FAM107A: variants seen among roughly 807,000 people sequenced by gnomAD.
FAM107A encodes the protein actin-associated protein FAM107A.
In FAM107A, 19 loss-of-function variants were observed where a neutral mutation model predicts 13.7. The ratio of observed to expected loss-of-function variants is 1.38; its 90% CI spans 0.97 to 2.03. FAM107A has a LOEUF of 2.03. Ranked by LOEUF, FAM107A falls within the 30% of genes most tolerant of loss-of-function variation. The probability of loss-of-function intolerance (pLI) is 0.00; values close to 1 mark genes in which losing one functional copy is unlikely to be tolerated. For missense variants in FAM107A, 203 were observed against 184.4 expected, an observed-to-expected ratio of 1.10 and a Z score of -0.58; for synonymous variants, 82 against 74.5, an observed-to-expected ratio of 1.10 and a Z score of -0.52.
In FAM107A at chr3:58,568,842, C is replaced by T. The variant is rs994107226; in HGVS notation, c.170+849G>A. Among the ~76,000 whole-genome samples, 9 of 152,288 alleles carry T rather than the reference C, an allele frequency of 5.9e-5. No individual in the cohort carries two copies. The South Asian group carries it at 1.5e-3, about 25-fold the overall frequency. ...CCCAGTCCTCCAAGGGGAGGCTCAGCCTTCCTCTTCTCCAATTCACATCCC... is the reference window on the plus strand; with the variant it reads ...CCCAGTCCTCCAAGGGGAGGCTCAGTCTTCCTCTTCTCCAATTCACATCCC... On this transcript the variant is annotated intron_variant, in intron 2 of 3. Transcript: ENST00000360997.
intron 1 of FAM107A, chr3:58,627,004 T>C: frequency 6.5e-7 from 1 of 1,536,002 alleles, no homozygotes; most frequent in Non-Finnish European, 8.7e-7. Context: ...TGGCACGAAG[T>C]GGGCACCAGG....
intron 1 of FAM107A, among the ~76,000 whole-genome samples, chr3:58,572,456 A>G (rs537544614): frequency 1.3e-5 from 2 of 152,258 alleles, no homozygotes; most frequent in East Asian, 3.9e-4. Context: ...GAAGGAGGCC[A>G]TTTGGGGCCT....
intron 1 of FAM107A, among the ~76,000 whole-genome samples, chr3:58,576,616 T>C (rs1190547775): frequency 6.6e-6 from 1 of 152,204 alleles, no homozygotes; most frequent in Non-Finnish European, 1.5e-5. Context: ...TTTCAAAAAG[T>C]GACACACCCA....
chr3:58,582,428 C>T (rs1386188096), upstream of FAM107A, among the ~76,000 whole-genome samples: 4 of 151,348 alleles, frequency 2.6e-5, no homozygotes, highest in African/African-American at 4.9e-5. Context: ...GAGATGCTTT[C>T]CTCCCTTCCA....
chr3:58,577,663 CG>C (rs2063742253), upstream of FAM107A: 5 of 985,332 alleles, frequency 5.1e-6, no homozygotes, highest in Non-Finnish European at 4.8e-6. The surrounding 1 kb of genome is among the most constrained non-coding windows in gnomAD (Gnocchi z 4.9). Context: ...CTGAGCAAGG[CG>C]GCTCACGTAA....
chr3:58,616,989 G>T (rs2065907885), intron 1 of FAM107A, among the ~76,000 whole-genome samples: 1 of 152,174 alleles, frequency 6.6e-6, no homozygotes, highest in Admixed American at 6.5e-5. Flanking sequence ...AGCCAGGATG[G>T]TCTCAATCTC....
rs1159951785 is a variant in FAM107A at position 58,613,474 on chromosome 3, C to T, written c.-70+13942G>A. Among the ~76,000 whole-genome samples, 1 of 152,150 alleles carries T rather than the reference C, an allele frequency of 6.6e-6. No individual in the cohort carries two copies. The highest frequency in any genetic ancestry group is 1.5e-5 in the Non-Finnish European group (1 of 68,028). The stretch of plus-strand genomic sequence containing the variant: ...GTGTCCTCTCTCTTACAGTACTCAC[C>T]CCTCATCCTGCCCTGCCCAGCCCCT... On this transcript the variant is annotated intron_variant, in intron 1 of 3. Coordinates refer to the FAM107A transcript ENST00000465970. The surrounding 1 kb of genome is among the most constrained non-coding windows in gnomAD (Gnocchi z 4.6).
upstream of FAM107A, chr3:58,589,283 GA>G: frequency 6.6e-7 from 1 of 1,517,476 alleles, no homozygotes; most frequent in Non-Finnish European, 8.8e-7. Flanking sequence ...TAAACAGAAA[GA>G]AAGTAGGTGG....
upstream of FAM107A, among the ~76,000 whole-genome samples, chr3:58,579,470 G>T (rs560318485): frequency 6.6e-6 from 1 of 152,106 alleles, no homozygotes; most frequent in Admixed American, 6.5e-5. Context: ...ATGAATGGTA[G>T]CCCCCTCAGC....
At chr3:58,609,994 T>A (rs564102854) in intron 1 of FAM107A, among the ~76,000 whole-genome samples, 1 of 152,218 alleles carries the variant, frequency 6.6e-6, no homozygotes, top group Non-Finnish European at 1.5e-5. Context: ...ACTGACAAGA[T>A]GGCCAGCACA....
At chr3:58,625,879 C>T (rs560375844) in intron 1 of FAM107A, among the ~76,000 whole-genome samples, 2 of 152,368 alleles carry the variant, frequency 1.3e-5, no homozygotes, top group South Asian at 4.1e-4. Flanking sequence ...CCTTGAGTTT[C>T]TCAACCTTGA....
intron 1 of FAM107A, among the ~76,000 whole-genome samples, chr3:58,600,032 C>T (rs138743193): frequency 6.6e-6 from 1 of 152,078 alleles, no homozygotes; most frequent in South Asian, 2.1e-4. Flanking sequence ...ATTTACCCCC[C>T]ACCCCTGCAA....
intron 1 of FAM107A, among the ~76,000 whole-genome samples, chr3:58,616,792 T>A (rs76512107): frequency 6.6e-6 from 1 of 151,972 alleles, no homozygotes; most frequent in Admixed American, 6.5e-5. Context: ...CTTTTTTTTT[T>A]AGACAGAGTC....
Position 58,617,229 on chromosome 3 carries a change from G to A in FAM107A, c.-70+10187C>T, listed in dbSNP as rs1313397818. On this transcript the variant is annotated intron_variant, in intron 1 of 3. Coordinates refer to the FAM107A transcript ENST00000465970. The surrounding 1 kb of genome is among the most constrained non-coding windows in gnomAD (Gnocchi z 4.5). ...CTCAATGGCAGGCCTCTTCCTGAACGTGCACCACATCATACAACTCAGAAT... is the reference window on the plus strand; with the variant it reads ...CTCAATGGCAGGCCTCTTCCTGAACATGCACCACATCATACAACTCAGAAT... 2.0e-5 allele frequency among the ~76,000 whole-genome samples: 3 copies of A among 152,214 alleles called. No individual in the cohort carries two copies. The highest frequency in any genetic ancestry group is 2.9e-5 in the Non-Finnish European group (2 of 67,992).
At chr3:58,609,620 G>A (rs2065833854) in intron 1 of FAM107A, among the ~76,000 whole-genome samples, 1 of 152,222 alleles carries the variant, frequency 6.6e-6, no homozygotes, top group Admixed American at 6.5e-5. Context: ...TGGCATGGAG[G>A]AAGGTTTCCC....
intron 1 of FAM107A, among the ~76,000 whole-genome samples, chr3:58,603,200 A>G (rs1300706785): frequency 2.0e-5 from 3 of 152,176 alleles, no homozygotes; most frequent in Admixed American, 6.5e-5. Context: ...TCCCCATACC[A>G]ACACTGTCCC....
chr3:58,591,104 C>T (rs542670579), upstream of FAM107A, among the ~76,000 whole-genome samples: 69 of 152,242 alleles, frequency 4.5e-4, no homozygotes, highest in African/African-American at 1.6e-3. The surrounding 1 kb of genome is among the most constrained non-coding windows in gnomAD (Gnocchi z 4.3). Context: ...GTTCTTGCAG[C>T]GTTCACGTTC....
intron 1 of FAM107A, among the ~76,000 whole-genome samples, chr3:58,626,399 A>C (rs574026081): frequency 6.6e-6 from 1 of 152,310 alleles, no homozygotes; most frequent in East Asian, 1.9e-4. Flanking sequence ...AGGGATAATA[A>C]CATGAATAGA....
Position 58,607,574 on chromosome 3 carries a change from GTATGTGTGTATACGTGTGCAT to G in FAM107A, c.-69-18326_-69-18306del, listed in dbSNP as rs1575453736. 7.9e-5 allele frequency: 6 copies of G among 75,984 alleles called. No individual in the cohort carries two copies. The East Asian group carries it at 7.7e-3, about 97-fold the overall frequency. 4.7% of individuals were successfully genotyped at this position (75,984 alleles called of 1,614,324 possible). The stretch of plus-strand genomic sequence containing the variant: ...GCTAGATGGATTTGTATATGTGCAT[GTATGTGTGTATACGTGTGCAT>G]GTATGTGTGTATACGTGTGCATGTA... On this transcript the variant is annotated intron_variant, in intron 1 of 3. Transcript: ENST00000465970.
Sources: gnomAD v4.1 joint callset for allele counts (sites outside exome capture counted in the v4.1 genomes callset) on GRCh38, gnomAD v4.1.1 for gene constraint, Gnocchi (gnomAD v3.1) non-coding constraint, MANE v1.5 for transcripts, NCBI Gene and HGNC (gene_info 2026-07-23, HGNC 2026-07-21) for gene names.